The following LRFN2 variants were observed in gnomAD, a reference collection of about 807,000 sequenced individuals.
LRFN2 encodes the protein leucine-rich repeat and fibronectin type-III domain-containing protein 2.
LRFN2 carries 18 observed loss-of-function variants against 37.3 expected under a neutral mutation model. The ratio of observed to expected loss-of-function variants is 0.48; its 90% CI spans 0.33 to 0.72. The LOEUF is 0.72. Ranked by LOEUF, LRFN2 falls within the 30% of genes least tolerant of loss-of-function variation. LRFN2 has a pLI of 0.02. For missense variants in LRFN2, 1,006 were observed against 1,060.7 expected, an observed-to-expected ratio of 0.95 and a Z score of 0.72; for synonymous variants, 556 against 466.6, an observed-to-expected ratio of 1.19 and a Z score of -2.47.
At chr6:40,393,029 G>C in intron 2 of LRFN2, 117 bp from the exon 3 acceptor site, 1 of 708,270 alleles carries the variant, frequency 1.4e-6, no homozygotes, top group Non-Finnish European at 2.3e-6. Context: ...GGGGAGGGAG[G>C]CCAAGACAGA....
At chr6:40,561,020 T>C (rs1766983568) in intron 1 of LRFN2, among the ~76,000 whole-genome samples, 1 of 152,202 alleles carries the variant, frequency 6.6e-6, no homozygotes. Flanking sequence ...GAGAAGTTTG[T>C]TGACTCAGTG....
Position 40,392,353 on chromosome 6 carries a change from C to T in LRFN2, c.1960G>A (p.Asp654Asn). Residue 654 changes from aspartate to asparagine, a missense_variant, in exon 3 of 3, where the codon GAC (aspartate) becomes AAC (asparagine). By Grantham distance (23) the Asp-to-Asn change is conservative (BLOSUM62 1). This residue lies in a region of LRFN2 where 398 missense variants were observed against 327.6 expected (regional missense o/e 1.21). Coordinates refer to ENST00000338305, the MANE Select transcript of LRFN2 (RefSeq NM_020737.3). The surrounding 1 kb of genome is among the most constrained non-coding windows in gnomAD (Gnocchi z 4.7). ...GAGGCGAAGGCCCCCATCAGGCGGTCAAGGCTGGGCTTGGGGCGCGGGGCG... is the reference window on the plus strand; with the variant it reads ...GAGGCGAAGGCCCCCATCAGGCGGTTAAGGCTGGGCTTGGGGCGCGGGGCG... ...PSAPRPKPSL[D>N]RLMGAFASLD... is the part of the protein sequence containing the mutation. 6.2e-7 allele frequency: 1 copy of T among 1,608,188 alleles called. No homozygotes were observed. Among genetic ancestry groups the T allele is most frequent in the East Asian group, 2.2e-5 (1 of 44,750 alleles).
chr6:40,539,433 T>C (rs1370691980), intron 1 of LRFN2, among the ~76,000 whole-genome samples: 1 of 152,212 alleles, frequency 6.6e-6, no homozygotes, highest in Non-Finnish European at 1.5e-5. Flanking sequence ...TTCTAAGTGA[T>C]GGGGAAAACA....
At chr6:40,444,258 C>G (rs965000898) in intron 1 of LRFN2, among the ~76,000 whole-genome samples, 1 of 151,544 alleles carries the variant, frequency 6.6e-6, no homozygotes. Context: ...TATAGGAAAA[C>G]GAAGAAGGGA....
At chr6:40,570,635 G>A (rs1032241835) in intron 1 of LRFN2, among the ~76,000 whole-genome samples, 4 of 152,206 alleles carry the variant, frequency 2.6e-5, no homozygotes, top group Non-Finnish European at 4.4e-5. Flanking sequence ...TGGGGCCGGG[G>A]GAAGCTGCTC....
intron 1 of LRFN2, among the ~76,000 whole-genome samples, chr6:40,511,449 T>A (rs1765707290): frequency 6.6e-6 from 1 of 152,210 alleles, no homozygotes; most frequent in Admixed American, 6.5e-5. Flanking sequence ...AATGTGGCAT[T>A]GTTATCCACG....
At chr6:40,561,737 G>T (rs1278381418) in intron 1 of LRFN2, among the ~76,000 whole-genome samples, 1 of 152,248 alleles carries the variant, frequency 6.6e-6, no homozygotes. Context: ...CAGGAGCCCC[G>T]CTTAATCCAC....
chr6:40,416,246 T>A (rs1763089140), intron 2 of LRFN2, among the ~76,000 whole-genome samples: 1 of 152,202 alleles, frequency 6.6e-6, no homozygotes, highest in Non-Finnish European at 1.5e-5. Flanking sequence ...TGACTTCAAG[T>A]GATCTGCCCG....
intron 1 of LRFN2, among the ~76,000 whole-genome samples, chr6:40,527,390 T>G (rs1324671616): frequency 6.6e-6 from 1 of 152,248 alleles, no homozygotes; most frequent in Non-Finnish European, 1.5e-5. Flanking sequence ...CAATTGACCC[T>G]GTAGCCTATG....
intron 2 of LRFN2, among the ~76,000 whole-genome samples, chr6:40,414,891 G>A (rs1763061959): frequency 6.6e-6 from 1 of 152,172 alleles, no homozygotes; most frequent in South Asian, 2.1e-4. Context: ...TGAGGGGAGT[G>A]GCTTTGTTGG....
chr6:40,417,707 C>G (rs1209073456), intron 2 of LRFN2, among the ~76,000 whole-genome samples: 2 of 152,114 alleles, frequency 1.3e-5, no homozygotes, highest in East Asian at 3.9e-4. Context: ...GCTGGGCAGA[C>G]ATAGGCCCAA....
At chr6:40,489,600 G>T (rs1358744148) in intron 1 of LRFN2, among the ~76,000 whole-genome samples, 3 of 152,136 alleles carry the variant, frequency 2.0e-5, no homozygotes, top group East Asian at 3.9e-4. Flanking sequence ...CTGGGAAGGG[G>T]TTGAGGGATG....
At chr6:40,436,016 A>G (rs1432710763) in intron 1 of LRFN2, among the ~76,000 whole-genome samples, 1 of 152,192 alleles carries the variant, frequency 6.6e-6, no homozygotes, top group Non-Finnish European at 1.5e-5. Flanking sequence ...TGTGACTTCA[A>G]ATTTCCTAGT....
chr6:40,561,296 C>A (rs2113929935), intron 1 of LRFN2, among the ~76,000 whole-genome samples: 1 of 152,288 alleles, frequency 6.6e-6, no homozygotes, highest in Middle Eastern at 3.4e-3. Context: ...CCCAGGCCCT[C>A]ACATGGAAGG....
intron 1 of LRFN2, among the ~76,000 whole-genome samples, chr6:40,467,976 T>C (rs1208110888): frequency 2.0e-5 from 3 of 152,116 alleles, no homozygotes; most frequent in African/African-American, 7.2e-5. Flanking sequence ...CTTCAGGAAT[T>C]TCCATATCTG....
chr6:40,549,269 G>A (rs1045735709), intron 1 of LRFN2, among the ~76,000 whole-genome samples: 6 of 152,026 alleles, frequency 3.9e-5, no homozygotes, highest in African/African-American at 1.4e-4. Flanking sequence ...TTTCTAATTT[G>A]CGCCAAGATG....
At chr6:40,479,362 G>C (rs1386856951) in intron 1 of LRFN2, among the ~76,000 whole-genome samples, 1 of 152,224 alleles carries the variant, frequency 6.6e-6, no homozygotes, top group African/African-American at 2.4e-5. Context: ...AGTGGCTGCA[G>C]TGCCATGGGC....
At chr6:40,502,329 A>G (rs1237627726) in intron 1 of LRFN2, 2 of 152,146 alleles carry the variant, frequency 1.3e-5, no homozygotes, top group Non-Finnish European at 2.9e-5. Flanking sequence ...GAGGGCTTCA[A>G]GGAGGATTGA....
chr6:40,562,430 T>A (rs1471398341), intron 1 of LRFN2, among the ~76,000 whole-genome samples: 1 of 149,714 alleles, frequency 6.7e-6, no homozygotes, highest in South Asian at 2.1e-4. Context: ...ACAAGTACGG[T>A]ACAGGGGGAG....
Sources: gnomAD v4.1 joint callset for allele counts (sites outside exome capture counted in the v4.1 genomes callset) on GRCh38, gnomAD v4.1.1 for gene constraint, gnomAD v4.1.1 regional missense constraint, Gnocchi (gnomAD v3.1) non-coding constraint, MANE v1.5 for transcripts, NCBI Gene and HGNC (gene_info 2026-07-23, HGNC 2026-07-21) for gene names.